KREMEN1: variants seen among roughly 807,000 people sequenced by gnomAD.
The protein encoded by KREMEN1 is kremen protein 1.
In KREMEN1, 30 loss-of-function variants were observed where a neutral mutation model predicts 46.5. The observed-to-expected ratio is 0.65, with a 90% CI of 0.48 to 0.88. The LOEUF is 0.88. Among genes scored for constraint, KREMEN1 ranks in the 40% least tolerant of loss-of-function variants. The pLI is 0.00. For missense variants in KREMEN1, 533 were observed against 596.9 expected (o/e 0.89, Z 1.11); for synonymous variants, 214 against 230.6 (o/e 0.93, Z 0.65).
downstream of KREMEN1, among the ~76,000 whole-genome samples, chr22:29,149,096 C>T (rs1165613691): frequency 2.0e-5 from 3 of 152,166 alleles, no homozygotes; most frequent in Non-Finnish European, 4.4e-5. Context: ...CCACTGTCCC[C>T]TCCCTGGCTA....
Position 29,143,602 on chromosome 22 carries a change from T to C in KREMEN1, c.*1490T>C, listed in dbSNP as rs532534236. On this transcript the variant is annotated 3_prime_UTR_variant, in exon 9 of 9. Transcript: ENST00000400335. ...CTAAAAATACAAAAAATTAGCTGGG[T>C]GTGGTGGTGGGCGCCTGTAGTCCCA... is the stretch of plus-strand genomic sequence containing the variant. 41 of 642,402 alleles carry C rather than the reference T, an allele frequency of 6.4e-5. No individual in the cohort carries two copies. Among genetic ancestry groups the C allele is most frequent in the East Asian group, 4.2e-4 (3 of 7,180 alleles). 39.8% of individuals were successfully genotyped at this position (642,402 alleles called of 1,614,324 possible). A position where few individuals can be genotyped will look rare whatever the true frequency, so the allele number is the denominator to read the frequency against.
chr22:29,146,499 C>T lies in KREMEN1; in HGVS notation c.*4387C>T, dbSNP rs1487899091. ...GACACAAAGACTGGAGGCCCTTCCC[C>T]GCCCGCACGGGAGCTGCCATCGTGG... On this transcript the variant is annotated 3_prime_UTR_variant, in exon 9 of 9. Transcript: ENST00000400335. The T allele has an allele frequency of 1.0e-5, 10 of 985,408 alleles. No individual in the cohort carries two copies. Among genetic ancestry groups the T allele is most frequent in the Admixed American group, 6.1e-5 (1 of 16,262 alleles). 61.0% of individuals were successfully genotyped at this position (985,408 alleles called of 1,614,324 possible). A position where few individuals can be genotyped will look rare whatever the true frequency, so the allele number is the denominator to read the frequency against.
At chr22:29,083,703 G>A (rs2037690497) in intron 1 of KREMEN1, among the ~76,000 whole-genome samples, 1 of 152,034 alleles carries the variant, frequency 6.6e-6, no homozygotes, top group African/African-American at 2.4e-5. Context: ...ATGGTGGTGG[G>A]TGCCTGTAAT....
chr22:29,125,022 C>T (rs1348833306), intron 4 of KREMEN1, among the ~76,000 whole-genome samples: 1 of 152,142 alleles, frequency 6.6e-6, no homozygotes, highest in Non-Finnish European at 1.5e-5. Flanking sequence ...TACTGAAGTG[C>T]AGTAGAAACA....
chr22:29,145,152 C>T lies in KREMEN1; in HGVS notation c.*3040C>T, dbSNP rs2145860296. ...CAGAAGGCCACTGCGGCTAGGTAAA[C>T]ACCTGAGAAAGAAACTGCTCCAGAA... On this transcript the variant is annotated 3_prime_UTR_variant, in exon 9 of 9. Coordinates refer to ENST00000400335, the MANE Select transcript of KREMEN1 (RefSeq NM_001039570.3). The T allele has an allele frequency of 1.0e-6, 1 of 985,994 alleles. No individual in the cohort carries two copies. Among genetic ancestry groups the T allele is most frequent in the East Asian group, 1.1e-4 (1 of 8,844 alleles). The allele number at this position is 985,994 out of a possible 1,614,324, so 61.1% of individuals were successfully genotyped here.
chr22:29,137,447 T>A lies in KREMEN1; in HGVS notation c.737T>A (p.Ile246Asn). 1 of 1,602,728 alleles carries A rather than the reference T, an allele frequency of 6.2e-7. No homozygotes were observed. Among genetic ancestry groups the A allele is most frequent in the Non-Finnish European group, 8.5e-7 (1 of 1,170,604 alleles). ...YATGRVCYWTIRVPGASHIHF... is the reference protein window; with the variant it reads ...YATGRVCYWTNRVPGASHIHF... ...ACGGGGAGGGTCTGCTACTGGACCA[T>A]CCGGGTTCCGGGGGCCTCCCACATC... is the stretch of plus-strand genomic sequence containing the variant. Residue 246 changes from isoleucine to asparagine, a missense_variant, in exon 6 of 9, where the codon ATC (isoleucine) becomes AAC (asparagine). Physicochemically the swap from Ile to Asn is moderately radical, Grantham distance 149. Transcript: ENST00000400335.
At chr22:29,077,456 T>A (rs2037591492) in intron 1 of KREMEN1, among the ~76,000 whole-genome samples, 1 of 152,204 alleles carries the variant, frequency 6.6e-6, no homozygotes, top group South Asian at 2.1e-4. Context: ...TTCTAGCAGT[T>A]CTCCTGCCTC....
intron 1 of KREMEN1, among the ~76,000 whole-genome samples, chr22:29,092,739 G>A (rs549057092): frequency 6.6e-6 from 1 of 152,344 alleles, no homozygotes; most frequent in South Asian, 2.1e-4. Context: ...ACTCTGGGAG[G>A]CCCAGGTGGG....
intron 9 of KREMEN1, among the ~76,000 whole-genome samples, chr22:29,155,079 G>GA (rs1207445305): frequency 2.0e-5 from 3 of 149,624 alleles, no homozygotes; most frequent in Non-Finnish European, 4.4e-5. Flanking sequence ...TATCTTACGT[G>GA]AAAAAAGTCA....
At chr22:29,130,331 G>C (rs2038512949) in intron 5 of KREMEN1, among the ~76,000 whole-genome samples, 1 of 152,178 alleles carries the variant, frequency 6.6e-6, no homozygotes, top group Non-Finnish European at 1.5e-5. Flanking sequence ...TCTGGCTCCT[G>C]GGACTGTGTT....
chr22:29,105,167 A>G (rs1469942395), intron 3 of KREMEN1, among the ~76,000 whole-genome samples: 1 of 152,148 alleles, frequency 6.6e-6, no homozygotes, highest in African/African-American at 2.4e-5. Context: ...CATGGTAGGG[A>G]GGCAGGGGCT....
At chr22:29,119,084 A>T (rs1025806270) in intron 3 of KREMEN1, among the ~76,000 whole-genome samples, 2 of 152,188 alleles carry the variant, frequency 1.3e-5, no homozygotes, top group African/African-American at 4.8e-5. Flanking sequence ...ATGGTGGCTC[A>T]CACCTGTAAT....
chr22:29,156,244 A>G (rs2038960183), intron 9 of KREMEN1, among the ~76,000 whole-genome samples: 1 of 152,260 alleles, frequency 6.6e-6, no homozygotes, highest in Non-Finnish European at 1.5e-5. Context: ...GGAGTCTCCC[A>G]GAAGCTTTGG....
rs140139986 is a variant in KREMEN1 at position 29,134,474 on chromosome 22, C to T, written c.632-2868C>T. 1.1e-3 allele frequency among the ~76,000 whole-genome samples: 175 copies of T among 152,204 alleles called. 2 individuals carry two copies. The East Asian group carries it at 0.014, about 12-fold the overall frequency. ...GCCTTGCCTCCAGTAGATTATTTAC[C>T]GTATTCATCATGTAGTCTCTGTCTG... On this transcript the variant is annotated intron_variant, in intron 5 of 8. Transcript: ENST00000400335.
chr22:29,125,227 T>C lies in KREMEN1; in HGVS notation c.478-36T>C, dbSNP rs558958055. The C allele has an allele frequency of 5.0e-6, 8 of 1,606,828 alleles. No individual in the cohort carries two copies. In the East Asian group the frequency reaches 1.6e-4, roughly 31 times the overall value. On this transcript the variant is annotated intron_variant, in intron 4 of 8. Coordinates refer to ENST00000400335, the MANE Select transcript of KREMEN1 (RefSeq NM_001039570.3). ...CCTTCAGGCCATCTGACATCCCTGATGATGCTTACCGTGTGCTGCTTCTCT... is the reference window on the plus strand; with the variant it reads ...CCTTCAGGCCATCTGACATCCCTGACGATGCTTACCGTGTGCTGCTTCTCT...
At position 29,137,247 on chromosome 22, in the gene KREMEN1, C is replaced by A. The variant is rs1029897942; in HGVS notation, c.632-95C>A. 4.4e-5 allele frequency: 36 copies of A among 826,166 alleles called. No individual in the cohort carries two copies. The African/African-American group carries it at 5.8e-4, about 13-fold the overall frequency. The allele number at this position is 826,166 out of a possible 1,614,324, so 51.2% of individuals were successfully genotyped here. ...ATAGAAACAATGTCCTAAATGGGAT[C>A]CTGCTCGTTAGGAAGGCTTTAGTGC... On this transcript the variant is annotated intron_variant, in intron 5 of 8. Coordinates refer to ENST00000400335, the MANE Select transcript of KREMEN1 (RefSeq NM_001039570.3).
At chr22:29,099,886 A>C in intron 3 of KREMEN1, among the ~76,000 whole-genome samples, 1 of 152,056 alleles carries the variant, frequency 6.6e-6, no homozygotes, top group Middle Eastern at 3.2e-3. Context: ...CTACAAAGAC[A>C]ATAGGATACC....
downstream of KREMEN1, among the ~76,000 whole-genome samples, chr22:29,150,331 G>C (rs1320826129): frequency 2.0e-5 from 3 of 152,314 alleles, no homozygotes; most frequent in East Asian, 5.8e-4. Flanking sequence ...GGTGGTGGTT[G>C]CTGGGCTTTG....
At chr22:29,159,124 GTTTTTTTT>G (rs1162443966) in intron 9 of KREMEN1, among the ~76,000 whole-genome samples, 1 of 35,328 alleles carries the variant, frequency 2.8e-5, no homozygotes, top group Non-Finnish European at 7.6e-5. Context: ...CCAGCCAAGT[GTTTTTTTT>G]TTTTTTTTTT....
Sources: allele counts gnomAD v4.1 joint callset (sites outside exome capture counted in the v4.1 genomes callset), GRCh38; gene constraint gnomAD v4.1.1; transcripts MANE v1.5; gene names NCBI Gene and HGNC (gene_info 2026-07-23, HGNC 2026-07-21).